MLLT3: variants seen among roughly 807,000 people sequenced by gnomAD.
MLLT3 encodes the protein MLLT3 super elongation complex subunit, also known as protein AF-9.
In MLLT3, 4 loss-of-function variants were observed where a neutral mutation model predicts 53.2. The ratio of observed to expected loss-of-function variants is 0.08; its 90% confidence interval spans 0.04 to 0.17. The LOEUF (loss-of-function observed/expected upper bound fraction) is 0.17, where lower values mean the gene tolerates loss of function less well. MLLT3 is among the 10% of genes least tolerant of loss of function. The probability of loss-of-function intolerance (pLI) is 1.00; values close to 1 mark genes in which losing one functional copy is unlikely to be tolerated. For synonymous variants in MLLT3, 283 were observed against 230.6 expected (o/e 1.23, Z -2.06); for missense variants, 569 against 684.0 (o/e 0.83, Z 1.87).
chr9:20,535,650 A>G (rs1476199448), intron 2 of MLLT3, among the ~76,000 whole-genome samples: 1 of 152,216 alleles, frequency 6.6e-6, no homozygotes, highest in African/African-American at 2.4e-5. Flanking sequence ...CAAGGAGCAC[A>G]CGTTTAGGAT....
chr9:20,502,588 A>G (rs1158033060), intron 2 of MLLT3, among the ~76,000 whole-genome samples: 1 of 152,262 alleles, frequency 6.6e-6, no homozygotes, highest in Non-Finnish European at 1.5e-5. Flanking sequence ...AATACAGTAT[A>G]CCAACTATTT....
chr9:20,421,866 A>G (rs894282697), intron 4 of MLLT3, among the ~76,000 whole-genome samples: 5 of 152,196 alleles, frequency 3.3e-5, no homozygotes, highest in Non-Finnish European at 5.9e-5. Context: ...GTACTAAGGG[A>G]AAGAGTGAAG....
At chr9:20,559,761 C>T (rs377037234) in intron 2 of MLLT3, among the ~76,000 whole-genome samples, 1 of 152,048 alleles carries the variant, frequency 6.6e-6, no homozygotes. Context: ...CCTGAGAGAG[C>T]ATAAAATACA....
At chr9:20,599,702 G>C (rs889016953) in intron 2 of MLLT3, among the ~76,000 whole-genome samples, 1 of 152,084 alleles carries the variant, frequency 6.6e-6, no homozygotes, top group Admixed American at 6.6e-5. Flanking sequence ...CTCTAAAAAA[G>C]GGTGACTATA....
intron 10 of MLLT3, among the ~76,000 whole-genome samples, chr9:20,350,598 AAAAG>A (rs979362013): frequency 4.6e-5 from 7 of 151,258 alleles, no homozygotes; most frequent in Admixed American, 2.6e-4. Flanking sequence ...CCGTCTCAAA[AAAAG>A]AAAGAAAGAA....
chr9:20,599,107 C>A (rs1820350011), intron 2 of MLLT3, among the ~76,000 whole-genome samples: 1 of 152,036 alleles, frequency 6.6e-6, no homozygotes, highest in African/African-American at 2.4e-5. Flanking sequence ...AGATCGAGAC[C>A]ATGCTAGCCA....
chr9:20,563,873 C>G lies in MLLT3; in HGVS notation c.193+56781G>C, dbSNP rs552719944. On this transcript the variant is annotated intron_variant, in intron 2 of 10. Coordinates refer to ENST00000380338, the MANE Select transcript of MLLT3 (RefSeq NM_004529.4). ...GAATCTGTAAAAGAAGAAAAAGAAT[C>G]AGCCACAAGTTTTCATTATCCAACT... Among the ~76,000 whole-genome samples the G allele has an allele frequency of 7.2e-5, 11 of 152,252 alleles. No homozygotes were observed. In the South Asian group the frequency reaches 1.9e-3, roughly 26 times the overall value.
At chr9:20,541,697 T>C (rs905153772) in intron 2 of MLLT3, among the ~76,000 whole-genome samples, 48 of 152,218 alleles carry the variant, frequency 3.2e-4, no homozygotes, top group African/African-American at 1.1e-3. Context: ...GGTGAGGACA[T>C]AGAGCCAAAC....
intron 2 of MLLT3, among the ~76,000 whole-genome samples, chr9:20,499,880 C>A (rs1256198696): frequency 6.6e-6 from 1 of 150,566 alleles, no homozygotes; most frequent in African/African-American, 2.5e-5. Flanking sequence ...GCCTGGACAT[C>A]ATAGCAAGAA....
intron 4 of MLLT3, among the ~76,000 whole-genome samples, chr9:20,427,781 T>A (rs1435544477): frequency 2.0e-5 from 3 of 152,112 alleles, no homozygotes; most frequent in Non-Finnish European, 2.9e-5. Context: ...CTGTTAAATT[T>A]TTAGGAATTT....
chr9:20,487,340 T>C (rs1054631110), intron 2 of MLLT3, among the ~76,000 whole-genome samples: 4 of 152,132 alleles, frequency 2.6e-5, no homozygotes, highest in African/African-American at 9.7e-5. Context: ...TCTAGCAAAA[T>C]CATAGGACTT....
intron 4 of MLLT3, among the ~76,000 whole-genome samples, chr9:20,446,495 G>A (rs1365479591): frequency 6.6e-6 from 1 of 152,140 alleles, no homozygotes; most frequent in Non-Finnish European, 1.5e-5. Context: ...GGACTAAGTG[G>A]TTGCTTTAAA....
intron 5 of MLLT3, among the ~76,000 whole-genome samples, chr9:20,392,948 G>A (rs1163070037): frequency 1.3e-5 from 2 of 152,122 alleles, no homozygotes; most frequent in Non-Finnish European, 2.9e-5. Flanking sequence ...CTGAGGTCAG[G>A]AGTTTGAGAC....
intron 2 of MLLT3, among the ~76,000 whole-genome samples, chr9:20,543,859 CA>C (rs758067082): frequency 3.3e-4 from 50 of 152,102 alleles, no homozygotes; most frequent in Non-Finnish European, 6.2e-4. Context: ...AAAATGGTGC[CA>C]ATAGACTTGC....
intron 2 of MLLT3, among the ~76,000 whole-genome samples, chr9:20,601,496 G>A (rs1255806784): frequency 6.6e-6 from 1 of 152,158 alleles, no homozygotes; most frequent in Non-Finnish European, 1.5e-5. Context: ...ATATGAAACT[G>A]TAAATGTCTA....
intron 10 of MLLT3, among the ~76,000 whole-genome samples, chr9:20,349,748 C>G (rs1231361137): frequency 6.6e-6 from 1 of 152,198 alleles, no homozygotes; most frequent in Non-Finnish European, 1.5e-5. Flanking sequence ...TTGCAGATCT[C>G]CAGTACTTCC....
intron 2 of MLLT3, among the ~76,000 whole-genome samples, chr9:20,479,795 T>C (rs539264544): frequency 6.6e-6 from 1 of 152,352 alleles, no homozygotes; most frequent in East Asian, 1.9e-4. Flanking sequence ...TTCATTTGTA[T>C]ATATAACCAA....
chr9:20,454,501 A>G (rs1431400806), intron 3 of MLLT3, among the ~76,000 whole-genome samples: 2 of 152,200 alleles, frequency 1.3e-5, no homozygotes, highest in Non-Finnish European at 2.9e-5. Flanking sequence ...TCAAAACTGA[A>G]GTCAATGCAA....
chr9:20,373,203 G>C (rs797001358), intron 5 of MLLT3, among the ~76,000 whole-genome samples: 3 of 152,180 alleles, frequency 2.0e-5, no homozygotes, highest in African/African-American at 7.2e-5. Flanking sequence ...TCTAATGGCA[G>C]CTAATCAACA....
Sources: gnomAD v4.1 joint callset for allele counts (sites outside exome capture counted in the v4.1 genomes callset) on GRCh38, gnomAD v4.1.1 for gene constraint, MANE v1.5 for transcripts, NCBI Gene and HGNC (gene_info 2026-07-23, HGNC 2026-07-21) for gene names.